Variants in NALF1 observed in about 807,000 individuals in gnomAD.
The protein encoded by NALF1 is NALCN channel auxiliary factor 1.
In NALF1, 3 loss-of-function variants were observed where a neutral mutation model predicts 48.4. The observed-to-expected ratio is 0.06, with a 90% CI of 0.03 to 0.16. NALF1 has a LOEUF of 0.16. NALF1 is among the 10% of genes least tolerant of loss of function. NALF1 has a pLI of 1.00. For missense variants in NALF1, 526 were observed against 571.5 expected, an observed-to-expected ratio of 0.92 and a Z score of 0.81; for synonymous variants, 262 against 245.7, an observed-to-expected ratio of 1.07 and a Z score of -0.62.
chr13:107,586,635 ATTT>A (rs61429641), intron 1 of NALF1, among the ~76,000 whole-genome samples: 1 of 93,122 alleles, frequency 1.1e-5, no homozygotes, highest in Admixed American at 1.3e-4. Context: ...CCCTATGGAG[ATTT>A]TTTTTTTTTT....
At chr13:107,704,766 G>A (rs978223994) in intron 1 of NALF1, among the ~76,000 whole-genome samples, 1 of 152,218 alleles carries the variant, frequency 6.6e-6, no homozygotes, top group Non-Finnish European at 1.5e-5. Flanking sequence ...TATTCATCAT[G>A]TTTTCATTTC....
At chr13:107,201,392 C>T (rs914757621) in intron 2 of NALF1, among the ~76,000 whole-genome samples, 6 of 152,192 alleles carry the variant, frequency 3.9e-5, no homozygotes, top group East Asian at 1.9e-4. Context: ...CTGGCTAACA[C>T]GGCGAAATGC....
intron 1 of NALF1, among the ~76,000 whole-genome samples, chr13:107,566,913 G>A (rs1196919180): frequency 6.6e-6 from 1 of 152,158 alleles, no homozygotes; most frequent in Non-Finnish European, 1.5e-5. Flanking sequence ...AGTACATTTT[G>A]AGTCAATGTA....
intron 1 of NALF1, among the ~76,000 whole-genome samples, chr13:107,826,058 C>T (rs1879506717): frequency 6.6e-6 from 1 of 152,186 alleles, no homozygotes; most frequent in Non-Finnish European, 1.5e-5. Context: ...GGATTACAGG[C>T]GTGAGCCACC....
At position 107,375,025 on chromosome 13, in the gene NALF1, C is replaced by T. The variant is rs530653939; in HGVS notation, c.916-164270G>A. 3.9e-5 allele frequency among the ~76,000 whole-genome samples: 6 copies of T among 152,274 alleles called. No individual in the cohort carries two copies. In the South Asian group the frequency reaches 1.2e-3, roughly 32 times the overall value. On this transcript the variant is annotated intron_variant, in intron 1 of 2. Transcript: ENST00000375915. ...GTTTAAAAAATTAACCTTAATATAG[C>T]TTCTAACTGTATAAACTGCTCAATT... is the stretch of plus-strand genomic sequence containing the variant.
intron 1 of NALF1, among the ~76,000 whole-genome samples, chr13:107,420,702 C>T (rs1359356551): frequency 6.6e-6 from 1 of 152,074 alleles, no homozygotes; most frequent in African/African-American, 2.4e-5. Context: ...TATATGCTTT[C>T]TATTTATTTA....
chr13:107,801,327 G>T (rs978676371), intron 1 of NALF1, among the ~76,000 whole-genome samples: 1 of 152,138 alleles, frequency 6.6e-6, no homozygotes, highest in Non-Finnish European at 1.5e-5. Flanking sequence ...ACATCGCCCA[G>T]ATATTTTAGG....
intron 1 of NALF1, among the ~76,000 whole-genome samples, chr13:107,423,328 G>C (rs982773330): frequency 1.3e-5 from 2 of 152,130 alleles, no homozygotes; most frequent in African/African-American, 4.8e-5. Context: ...AAGATAATGT[G>C]GGGTAAAAGG....
intron 1 of NALF1, among the ~76,000 whole-genome samples, chr13:107,391,684 A>T (rs1883629693): frequency 6.6e-6 from 1 of 152,098 alleles, no homozygotes; most frequent in African/African-American, 2.4e-5. Context: ...CTTCTCATTG[A>T]TCTTGTCTTC....
intron 1 of NALF1, among the ~76,000 whole-genome samples, chr13:107,803,135 C>T (rs1046125131): frequency 4.6e-5 from 7 of 152,076 alleles, no homozygotes; most frequent in African/African-American, 1.4e-4. Flanking sequence ...GAATGACCAT[C>T]GCAGACATGA....
Position 107,680,948 on chromosome 13 carries a change from AGTGTGT to A in NALF1, c.915+184728_915+184733del, listed in dbSNP as rs140128926. On this transcript the variant is annotated intron_variant, in intron 1 of 2. Transcript: ENST00000375915. ...GAGTATGAGTATGCATGAGTGTAACAGTGTGTGTGTGTGTGTGTGTGTACACGTCAT... is the reference window on the plus strand; with the variant it reads ...GAGTATGAGTATGCATGAGTGTAACAGTGTGTGTGTGTGTGTACACGTCAT... Among the ~76,000 whole-genome samples the A allele has an allele frequency of 3.7e-3, 481 of 129,974 alleles. 2 individuals carry two copies. Among genetic ancestry groups the A allele is most frequent in the African/African-American group, 0.012 (449 of 36,238 alleles). 85.3% of individuals were successfully genotyped at this position (129,974 alleles called of 152,430 possible).
intron 1 of NALF1, among the ~76,000 whole-genome samples, chr13:107,582,450 G>A (rs1233500528): frequency 1.3e-5 from 2 of 152,190 alleles, no homozygotes; most frequent in African/African-American, 4.8e-5. Flanking sequence ...CCCAAAGGCT[G>A]AGAACATTCC....
chr13:107,293,248 A>G (rs527301636), intron 1 of NALF1, among the ~76,000 whole-genome samples: 11 of 151,898 alleles, frequency 7.2e-5, no homozygotes, highest in Non-Finnish European at 1.5e-4. Flanking sequence ...CCGAAGTGCT[A>G]GGATTACAGG....
At chr13:107,504,631 G>A (rs1264333979) in intron 1 of NALF1, among the ~76,000 whole-genome samples, 1 of 152,048 alleles carries the variant, frequency 6.6e-6, no homozygotes, top group Non-Finnish European at 1.5e-5. Context: ...CGGTATCGAA[G>A]GCCCCCCTAA....
intron 1 of NALF1, among the ~76,000 whole-genome samples, chr13:107,814,955 T>C (rs893923860): frequency 2.2e-4 from 34 of 152,064 alleles, no homozygotes; most frequent in Non-Finnish European, 2.6e-4. Context: ...AAATATAAAA[T>C]GTTGGAAGTC....
At chr13:107,541,011 T>C (rs943817751) in intron 1 of NALF1, among the ~76,000 whole-genome samples, 3 of 152,256 alleles carry the variant, frequency 2.0e-5, no homozygotes, top group African/African-American at 7.2e-5. Context: ...TTAGACTTGT[T>C]ATTAACAAGA....
At chr13:107,745,073 G>T (rs896998583) in intron 1 of NALF1, among the ~76,000 whole-genome samples, 2 of 152,158 alleles carry the variant, frequency 1.3e-5, no homozygotes, top group African/African-American at 4.8e-5. Flanking sequence ...AAACATGATC[G>T]AATAGATATT....
intron 1 of NALF1, among the ~76,000 whole-genome samples, chr13:107,784,902 A>G (rs1878024688): frequency 6.6e-6 from 1 of 152,138 alleles, no homozygotes; most frequent in African/African-American, 2.4e-5. Flanking sequence ...ACTACCGGGT[A>G]TCTACCCAGA....
chr13:107,865,725 T>G lies in NALF1; in HGVS notation c.872A>C (p.Gln291Pro). 1 of 1,614,010 alleles carries G rather than the reference T, an allele frequency of 6.2e-7. No homozygotes were observed. Among genetic ancestry groups the G allele is most frequent in the South Asian group, 1.1e-5 (1 of 91,080 alleles). The change falls in exon 1 of 3, where the codon CAG (glutamine) becomes CCG (proline). Residue 291 changes from glutamine (Q) to proline (P), a missense_variant. Transcript: ENST00000375915. ...GGATTTCACCGAGTACTCCTCCGACTGTAAATATTTGTGGAGCACGCTTTC... is the reference window on the plus strand; with the variant it reads ...GGATTTCACCGAGTACTCCTCCGACGGTAAATATTTGTGGAGCACGCTTTC... ...EFESVLHKYL[Q>P]SEEYSVKSCP... is the part of the protein sequence containing the mutation.
Sources: allele counts gnomAD v4.1 joint callset (sites outside exome capture counted in the v4.1 genomes callset), GRCh38; gene constraint gnomAD v4.1.1; transcripts MANE v1.5; gene names NCBI Gene and HGNC (gene_info 2026-07-23, HGNC 2026-07-21).